SMOC1: variants seen among roughly 807,000 people sequenced by gnomAD.
The protein encoded by SMOC1 is SPARC related modular calcium binding 1.
In SMOC1, 22 loss-of-function variants were observed where a neutral mutation model predicts 56.3. The observed-to-expected ratio is 0.39, with a 90% confidence interval of 0.28 to 0.56. SMOC1 has a LOEUF of 0.56. Ranked by LOEUF, SMOC1 falls within the 20% of genes least tolerant of loss-of-function variation. The pLI, the probability that SMOC1 is intolerant of heterozygous loss-of-function variation, is 0.61. For synonymous variants in SMOC1, 193 were observed against 215.0 expected, an observed-to-expected ratio of 0.90 and a Z score of 0.89; for missense variants, 509 against 565.4, an observed-to-expected ratio of 0.90 and a Z score of 1.01.
intron 1 of SMOC1, among the ~76,000 whole-genome samples, chr14:69,924,515 A>T (rs1041332795): frequency 1.3e-5 from 2 of 151,764 alleles, no homozygotes; most frequent in African/African-American, 4.8e-5. Flanking sequence ...GTGCCCTCTT[A>T]TGGCACCCGG....
intron 1 of SMOC1, among the ~76,000 whole-genome samples, chr14:69,948,034 A>G (rs981311372): frequency 6.6e-6 from 1 of 152,188 alleles, no homozygotes; most frequent in African/African-American, 2.4e-5. Flanking sequence ...TGTTGGTTAC[A>G]TGTTGCTTCC....
intron 1 of SMOC1, among the ~76,000 whole-genome samples, chr14:69,901,215 G>T (rs1884233607): frequency 6.6e-6 from 1 of 152,228 alleles, no homozygotes; most frequent in South Asian, 2.1e-4. Context: ...AGGGTCCAAA[G>T]AGAAGGGCTG....
chr14:69,999,113 G>A (rs776156680), intron 7 of SMOC1, among the ~76,000 whole-genome samples: 5 of 152,218 alleles, frequency 3.3e-5, no homozygotes, highest in Admixed American at 6.5e-5. Context: ...TGGCCTCCTC[G>A]TGCATGACTG....
At chr14:70,017,443 G>A (rs1340148686) in intron 10 of SMOC1, among the ~76,000 whole-genome samples, 1 of 152,202 alleles carries the variant, frequency 6.6e-6, no homozygotes, top group Non-Finnish European at 1.5e-5. Flanking sequence ...GGCCTTGGCT[G>A]TGGAATTCAG....
chr14:69,998,180 G>A (rs1244337353), intron 7 of SMOC1, among the ~76,000 whole-genome samples: 1 of 152,184 alleles, frequency 6.6e-6, no homozygotes, highest in Non-Finnish European at 1.5e-5. Context: ...TATAGTCAGT[G>A]TCGCCTTTTG....
At chr14:69,917,491 G>A (rs1342129286) in intron 1 of SMOC1, among the ~76,000 whole-genome samples, 2 of 152,168 alleles carry the variant, frequency 1.3e-5, no homozygotes, top group African/African-American at 4.8e-5. Context: ...CTTAATCAAT[G>A]AATGACACAT....
At chr14:69,909,976 CTTTGAACCATGT>C (rs2139344274) in intron 1 of SMOC1, among the ~76,000 whole-genome samples, 1 of 152,248 alleles carries the variant, frequency 6.6e-6, no homozygotes, top group South Asian at 2.1e-4. Context: ...TCATTCACTC[CTTTGAACCATGT>C]TTCCTAACCT....
chr14:69,992,020 A>G (rs980576071), intron 5 of SMOC1, among the ~76,000 whole-genome samples: 5 of 152,148 alleles, frequency 3.3e-5, no homozygotes, highest in Non-Finnish European at 5.9e-5. Context: ...TTGATGCCAT[A>G]AGGATTGCCA....
chr14:69,978,889 A>G (rs571240922), intron 5 of SMOC1, among the ~76,000 whole-genome samples: 4 of 152,264 alleles, frequency 2.6e-5, no homozygotes, highest in Admixed American at 6.5e-5. Flanking sequence ...TATGCTGACC[A>G]TAGTTTTTAG....
chr14:69,907,685 T>C (rs1884447204), intron 1 of SMOC1, among the ~76,000 whole-genome samples: 1 of 152,198 alleles, frequency 6.6e-6, no homozygotes, highest in South Asian at 2.1e-4. Flanking sequence ...TCTTAGTCCA[T>C]TTGAGCTGCT....
intron 2 of SMOC1, 106 bp from the exon 3 acceptor site, chr14:69,953,314 G>A: frequency 1.0e-6 from 1 of 994,718 alleles, no homozygotes; most frequent in South Asian, 1.3e-5. Context: ...CCAGTTAGTT[G>A]TGTGTGGGCT....
intron 11 of SMOC1, among the ~76,000 whole-genome samples, chr14:70,026,463 A>G (rs1185601839): frequency 6.6e-6 from 1 of 152,240 alleles, no homozygotes; most frequent in Non-Finnish European, 1.5e-5. Context: ...CCCAGCTGAC[A>G]TACAGGACCT....
At chr14:69,949,148 G>T (rs1366858455) in intron 1 of SMOC1, among the ~76,000 whole-genome samples, 1 of 152,218 alleles carries the variant, frequency 6.6e-6, no homozygotes, top group East Asian at 1.9e-4. Context: ...GTTCTGAGGT[G>T]GAGTAAAGAT....
chr14:69,978,146 A>G (rs1884037792), intron 5 of SMOC1, 181 bp downstream of exon 5: 2 of 659,026 alleles, frequency 3.0e-6, no homozygotes, highest in East Asian at 2.8e-5. Context: ...TCATACAGTG[A>G]TGGACACCAA....
chr14:69,938,668 C>T (rs1380047077), intron 1 of SMOC1, among the ~76,000 whole-genome samples: 1 of 152,104 alleles, frequency 6.6e-6, no homozygotes, highest in South Asian at 2.1e-4. Context: ...GAGGGACAAG[C>T]AGTGTCCATG....
chr14:69,889,547 G>A (rs926387975), intron 1 of SMOC1, among the ~76,000 whole-genome samples: 2 of 152,162 alleles, frequency 1.3e-5, no homozygotes, highest in Non-Finnish European at 2.9e-5. Flanking sequence ...TAGGTCCTCT[G>A]TTCCCTGATT....
chr14:69,928,627 C>T (rs1227040828), intron 1 of SMOC1, among the ~76,000 whole-genome samples: 1 of 142,466 alleles, frequency 7.0e-6, no homozygotes, highest in Non-Finnish European at 1.5e-5. Context: ...GGGGGGGGGT[C>T]CCTTTTCTGC....
intron 7 of SMOC1, among the ~76,000 whole-genome samples, chr14:70,005,840 C>T (rs770275306): frequency 3.9e-5 from 6 of 152,158 alleles, no homozygotes; most frequent in Admixed American, 6.5e-5. Context: ...TCTCCCCTTC[C>T]GTTTATGGCT....
intron 9 of SMOC1, 29 bp from the exon 10 acceptor site, chr14:70,013,357 C>T (rs1209053136): frequency 6.3e-7 from 1 of 1,589,006 alleles, no homozygotes; most frequent in Non-Finnish European, 8.6e-7. Context: ...TATCTGGCAT[C>T]TACCTTCAAA....
Sources: gnomAD v4.1 joint callset for allele counts (sites outside exome capture counted in the v4.1 genomes callset) on GRCh38, gnomAD v4.1.1 for gene constraint, MANE v1.5 for transcripts, NCBI Gene and HGNC (gene_info 2026-07-23, HGNC 2026-07-21) for gene names.